Variants in OXCT1 observed in about 807,000 individuals in gnomAD.
The protein encoded by OXCT1 is succinyl-CoA:3-ketoacid coenzyme A transferase 1, mitochondrial.
Under a neutral mutation model 69.6 loss-of-function variants are expected in OXCT1, and 27 were observed. The ratio of observed to expected loss-of-function variants is 0.39; its 90% CI spans 0.29 to 0.54. The LOEUF is 0.54. Ranked by LOEUF, OXCT1 falls within the 20% of genes least tolerant of loss-of-function variation. The pLI, the probability that OXCT1 is intolerant of heterozygous loss-of-function variation, is 0.72. For missense variants in OXCT1, 437 were observed against 650.2 expected (o/e 0.67, Z 3.57); for synonymous variants, 202 against 217.8 (o/e 0.93, Z 0.64).
intron 8 of OXCT1, 61 bp downstream of exon 8, chr5:41,807,270 A>G (rs1246985807): frequency 2.2e-6 from 2 of 912,634 alleles, no homozygotes; most frequent in Non-Finnish European, 3.7e-6. Flanking sequence ...GAATGGCCCC[A>G]GGGATGCACT....
chr5:41,767,552 A>C (rs1744665404), intron 13 of OXCT1, among the ~76,000 whole-genome samples: 1 of 150,920 alleles, frequency 6.6e-6, no homozygotes, highest in East Asian at 2.0e-4. Context: ...TCCTCTCTCC[A>C]TGGCTCCTCT....
intron 13 of OXCT1, among the ~76,000 whole-genome samples, chr5:41,768,147 C>T (rs1395680067): frequency 6.6e-6 from 1 of 152,116 alleles, no homozygotes; most frequent in Non-Finnish European, 1.5e-5. Flanking sequence ...TTCCTTTATT[C>T]CTGAGCTCAT....
At chr5:41,825,480 T>C (rs1747760710) in intron 7 of OXCT1, among the ~76,000 whole-genome samples, 1 of 152,208 alleles carries the variant, frequency 6.6e-6, no homozygotes, top group Non-Finnish European at 1.5e-5. Flanking sequence ...AACAAAAAGA[T>C]ATTTTCATAA....
chr5:41,804,878 A>G (rs1746599881), intron 9 of OXCT1, among the ~76,000 whole-genome samples: 1 of 152,042 alleles, frequency 6.6e-6, no homozygotes, highest in Non-Finnish European at 1.5e-5. Context: ...ACCATTCAAC[A>G]AACATTCATT....
intron 3 of OXCT1, 110 bp downstream of exon 3, chr5:41,861,204 A>C: frequency 1.3e-6 from 1 of 776,958 alleles, no homozygotes; most frequent in Non-Finnish European, 2.3e-6. Context: ...TGATGCTTGG[A>C]CATATTGCTC....
At chr5:41,787,024 T>C (rs1203022632) in intron 13 of OXCT1, among the ~76,000 whole-genome samples, 2 of 152,106 alleles carry the variant, frequency 1.3e-5, no homozygotes, top group South Asian at 2.1e-4. Context: ...AGCAGCTTTA[T>C]AAAGAAATGC....
At chr5:41,836,714 T>C (rs1022027943) in intron 7 of OXCT1, among the ~76,000 whole-genome samples, 7 of 152,088 alleles carry the variant, frequency 4.6e-5, no homozygotes, top group South Asian at 2.1e-4. Flanking sequence ...TATGAGAATA[T>C]AATGCCAGGG....
intron 13 of OXCT1, among the ~76,000 whole-genome samples, chr5:41,770,612 G>C (rs1744832628): frequency 6.6e-6 from 1 of 152,134 alleles, no homozygotes; most frequent in South Asian, 2.1e-4. Flanking sequence ...CAAAACTCCT[G>C]CTTTTAATAG....
At chr5:41,848,345 T>C (rs768902781) in intron 5 of OXCT1, among the ~76,000 whole-genome samples, 5,452 of 148,032 alleles carry the variant, frequency 0.037, 144 homozygotes, top group Non-Finnish European at 0.053. Flanking sequence ...ATCGTGAAAA[T>C]GGCCATACTG....
chr5:41,797,074 G>C (rs1746218169), intron 11 of OXCT1, among the ~76,000 whole-genome samples: 1 of 152,174 alleles, frequency 6.6e-6, no homozygotes, highest in Non-Finnish European at 1.5e-5. Context: ...CAGTCCTGTG[G>C]GAAGTCAAGG....
Position 41,853,977 on chromosome 5 carries a change from A to T in OXCT1, c.279-423T>A, listed in dbSNP as rs563354095. On this transcript the variant is annotated intron_variant, in intron 3 of 16. Transcript: ENST00000196371. ...TTTGAAGGAACACATAAATGCAGTGACAATATACTGACCCAAAATGAAGAT... is the reference window on the plus strand; with the variant it reads ...TTTGAAGGAACACATAAATGCAGTGTCAATATACTGACCCAAAATGAAGAT... Among the ~76,000 whole-genome samples, 10 of 152,330 alleles carry T rather than the reference A, an allele frequency of 6.6e-5. No individual in the cohort carries two copies. In the South Asian group the frequency reaches 8.3e-4, roughly 13 times the overall value.
chr5:41,831,978 G>A (rs549053010), intron 7 of OXCT1, among the ~76,000 whole-genome samples: 1 of 152,300 alleles, frequency 6.6e-6, no homozygotes, highest in African/African-American at 2.4e-5. Context: ...AGATGGAGAG[G>A]TGGTGGAGCA....
chr5:41,851,414 T>A (rs1400553328), intron 4 of OXCT1, among the ~76,000 whole-genome samples: 2 of 152,142 alleles, frequency 1.3e-5, no homozygotes, highest in African/African-American at 4.8e-5. Flanking sequence ...AAAAATTAAA[T>A]CATCAAAATT....
intron 1 of OXCT1, among the ~76,000 whole-genome samples, chr5:41,867,077 T>C (rs1285759174): frequency 6.6e-6 from 1 of 152,222 alleles, no homozygotes; most frequent in Non-Finnish European, 1.5e-5. Context: ...CTTTTTTCTT[T>C]TCTTTTTAAT....
intron 6 of OXCT1, 26 bp downstream of exon 6, chr5:41,842,649 G>C (rs774042135): frequency 6.8e-7 from 1 of 1,472,600 alleles, no homozygotes; most frequent in East Asian, 2.3e-5. Flanking sequence ...TGATATGCAC[G>C]AGTGTTTTTA....
chr5:41,833,129 G>A (rs1252033962), intron 7 of OXCT1, among the ~76,000 whole-genome samples: 4 of 152,106 alleles, frequency 2.6e-5, no homozygotes, highest in Non-Finnish European at 5.9e-5. Context: ...CCTAGAGAAA[G>A]ATAAACATTC....
intron 7 of OXCT1, among the ~76,000 whole-genome samples, chr5:41,822,920 G>T (rs1051232965): frequency 3.1e-4 from 47 of 152,300 alleles, no homozygotes; most frequent in African/African-American, 1.1e-3. Context: ...GTTCGGACCA[G>T]TAATGTTCAA....
chr5:41,767,194 T>A (rs1220650847), intron 13 of OXCT1, among the ~76,000 whole-genome samples: 1 of 152,160 alleles, frequency 6.6e-6, no homozygotes, highest in South Asian at 2.1e-4. Context: ...AGTATAGCAG[T>A]TATAGCACAG....
At chr5:41,748,129 G>T (rs1197769074) in intron 15 of OXCT1, among the ~76,000 whole-genome samples, 1 of 152,064 alleles carries the variant, frequency 6.6e-6, no homozygotes, top group Non-Finnish European at 1.5e-5. Context: ...GATTATGAGT[G>T]CCAAAATGAA....
Sources: gnomAD v4.1 joint callset for allele counts (sites outside exome capture counted in the v4.1 genomes callset) on GRCh38, gnomAD v4.1.1 for gene constraint, MANE v1.5 for transcripts, NCBI Gene and HGNC (gene_info 2026-07-23, HGNC 2026-07-21) for gene names.